PGM5: variants seen among roughly 807,000 people sequenced by gnomAD.
PGM5 encodes phosphoglucomutase-like protein 5.
PGM5 carries 23 observed loss-of-function variants against 59.2 expected under a neutral mutation model. The ratio of observed to expected loss-of-function variants is 0.39; its 90% CI spans 0.28 to 0.55. The LOEUF is 0.55. PGM5 is among the 20% of genes least tolerant of loss of function. The probability of loss-of-function intolerance (pLI) is 0.66; values close to 1 mark genes in which losing one functional copy is unlikely to be tolerated. For synonymous variants in PGM5, 214 were observed against 286.0 expected (o/e 0.75, Z 2.54); for missense variants, 574 against 748.3 (o/e 0.77, Z 2.72).
intron 6 of PGM5, among the ~76,000 whole-genome samples, chr9:68,413,427 A>T (rs559962099): frequency 0.014 from 2,103 of 152,066 alleles, 31 homozygotes; most frequent in African/African-American, 0.036. Flanking sequence ...TCACACACGC[A>T]AGTACTCACC....
In PGM5 at chr9:68,503,175, A is replaced by G. The variant is rs116493341; in HGVS notation, c.1614+3814A>G. On this transcript the variant is annotated intron_variant, in intron 10 of 10. Transcript: ENST00000396396. ...CCATTTTGTTTTACATAGGAAGAACATATGATTTGTCATCTAAACCAGAAT... is the reference window on the plus strand; with the variant it reads ...CCATTTTGTTTTACATAGGAAGAACGTATGATTTGTCATCTAAACCAGAAT... Among the ~76,000 whole-genome samples the G allele has an allele frequency of 2.1e-3, 323 of 152,340 alleles. 3 individuals carry two copies. Among genetic ancestry groups the G allele is most frequent in the African/African-American group, 7.1e-3 (294 of 41,572 alleles).
At chr9:68,411,488 G>A (rs366804) in intron 6 of PGM5, among the ~76,000 whole-genome samples, 137,720 of 140,826 alleles carry the variant, frequency 0.98, 67,387 homozygotes, top group Non-Finnish European at 0.99. Flanking sequence ...GTGTGTGTGT[G>A]TATATATATA....
chr9:68,501,089 C>G (rs1466916179), intron 10 of PGM5, among the ~76,000 whole-genome samples: 1 of 152,070 alleles, frequency 6.6e-6, no homozygotes, highest in Non-Finnish European at 1.5e-5. Context: ...CATTTCTCAT[C>G]CTGTTGGTGG....
chr9:68,509,800 T>TG (rs1824718019), intron 10 of PGM5, among the ~76,000 whole-genome samples: 2 of 151,880 alleles, frequency 1.3e-5, no homozygotes, highest in African/African-American at 4.8e-5. Context: ...AGCCTTGGGG[T>TG]GGTTAGGGCA....
chr9:68,467,029 C>T (rs1228482852), intron 7 of PGM5, among the ~76,000 whole-genome samples: 1 of 152,118 alleles, frequency 6.6e-6, no homozygotes, highest in African/African-American at 2.4e-5. Context: ...CACCTAGGAA[C>T]ATAAAGCATT....
intron 6 of PGM5, among the ~76,000 whole-genome samples, chr9:68,404,485 T>C (rs1447557269): frequency 1.3e-5 from 2 of 152,172 alleles, no homozygotes; most frequent in Non-Finnish European, 2.9e-5. Context: ...AAGATATCAA[T>C]TAAGTACAAT....
At chr9:68,392,520 G>T (rs375794494) in intron 6 of PGM5, 47 bp downstream of exon 6, 13 of 1,600,042 alleles carry the variant, frequency 8.1e-6, no homozygotes, top group East Asian at 6.8e-5. Flanking sequence ...GACCTTTGGC[G>T]TTGATGTCTC....
chr9:68,359,607 C>G (rs190729477), intron 1 of PGM5, among the ~76,000 whole-genome samples: 3 of 152,302 alleles, frequency 2.0e-5, no homozygotes, highest in African/African-American at 7.2e-5. Context: ...TGAGAATGTG[C>G]TTGTCTCCTG....
chr9:68,425,792 G>C (rs987278404), intron 6 of PGM5, among the ~76,000 whole-genome samples: 2 of 152,100 alleles, frequency 1.3e-5, no homozygotes, highest in South Asian at 4.1e-4. Context: ...ATGATGCAGA[G>C]TCTTGACTTT....
intron 6 of PGM5, chr9:68,428,712 T>G (rs1554682846): frequency 1.3e-5 from 2 of 152,214 alleles, no homozygotes; most frequent in Non-Finnish European, 2.9e-5. Flanking sequence ...TTAATGTTGG[T>G]TCTTAATGTT....
chr9:68,520,707 A>C (rs1056830754), intron 10 of PGM5, among the ~76,000 whole-genome samples: 2 of 152,256 alleles, frequency 1.3e-5, no homozygotes, highest in African/African-American at 4.8e-5. Context: ...AATTCTGTGA[A>C]TAGGAATCAA....
chr9:68,434,484 T>A (rs1587808849), intron 6 of PGM5, among the ~76,000 whole-genome samples: 1 of 152,250 alleles, frequency 6.6e-6, no homozygotes, highest in East Asian at 1.9e-4. Context: ...TGTTTGCTAG[T>A]TAGCCAAAGG....
intron 6 of PGM5, among the ~76,000 whole-genome samples, chr9:68,410,406 T>C (rs1283936959): frequency 6.6e-6 from 1 of 152,124 alleles, no homozygotes; most frequent in Non-Finnish European, 1.5e-5. Flanking sequence ...TTAGATGATG[T>C]CCTAAACATT....
chr9:68,454,414 A>G (rs1271659740), intron 6 of PGM5, among the ~76,000 whole-genome samples: 5 of 152,190 alleles, frequency 3.3e-5, no homozygotes, highest in African/African-American at 9.7e-5. Context: ...TACAAGGAGT[A>G]TCCCTACCTA....
intron 10 of PGM5, among the ~76,000 whole-genome samples, chr9:68,500,001 A>C (rs1321324560): frequency 5.3e-5 from 8 of 152,196 alleles, no homozygotes; most frequent in Non-Finnish European, 1.2e-4. Flanking sequence ...AACATTAATT[A>C]ATACCAGAAA....
chr9:68,497,668 T>A (rs1221533932), intron 9 of PGM5: 2 of 152,176 alleles, frequency 1.3e-5, no homozygotes, highest in African/African-American at 4.8e-5. Context: ...CCAGAGAAAT[T>A]TCAAGGATAA....
intron 8 of PGM5, among the ~76,000 whole-genome samples, chr9:68,482,247 C>G (rs1554687173): frequency 6.6e-6 from 1 of 152,150 alleles, no homozygotes; most frequent in Admixed American, 6.6e-5. Flanking sequence ...TTCAATGCCT[C>G]TCTGTCTCCT....
At chr9:68,452,028 A>C (rs1019317234) in intron 6 of PGM5, among the ~76,000 whole-genome samples, 1 of 152,232 alleles carries the variant, frequency 6.6e-6, no homozygotes, top group Middle Eastern at 3.2e-3. Flanking sequence ...CTTTAGCACA[A>C]AAGGCACAGC....
chr9:68,401,560 C>T (rs1432405615), intron 6 of PGM5, among the ~76,000 whole-genome samples: 1 of 151,556 alleles, frequency 6.6e-6, no homozygotes, highest in African/African-American at 2.4e-5. Context: ...TTAGAATCGC[C>T]CTGTCTGATT....
Sources: allele counts gnomAD v4.1 joint callset (sites outside exome capture counted in the v4.1 genomes callset), GRCh38; gene constraint gnomAD v4.1.1; transcripts MANE v1.5; gene names NCBI Gene and HGNC (gene_info 2026-07-23, HGNC 2026-07-21).